The following AHR variants were observed in gnomAD, a reference collection of about 807,000 sequenced individuals.
AHR encodes the protein aryl hydrocarbon receptor.
In AHR, 40 loss-of-function variants were observed where a neutral mutation model predicts 86.8. The observed-to-expected ratio is 0.46, with a 90% CI of 0.36 to 0.60. The LOEUF (loss-of-function observed/expected upper bound fraction) is 0.60. Among genes scored for constraint, AHR ranks in the 20% least tolerant of loss-of-function variants. The pLI is 0.00. For missense variants in AHR, 1,001 were observed against 1,011.6 expected, an observed-to-expected ratio of 0.99 and a Z score of 0.14; for synonymous variants, 398 against 354.9, an observed-to-expected ratio of 1.12 and a Z score of -1.37.
rs140788225 is a variant in AHR at position 17,335,703 on chromosome 7, A to T, written c.1077A>T (p.Arg359=). 45 of 1,609,134 alleles carry T rather than the reference A, an allele frequency of 2.8e-5. No homozygotes were observed. In the African/African-American group the frequency reaches 4.0e-4, roughly 14 times the overall value. The part of the protein sequence containing the change: ...IVFRLLTKNN[R]WTWVQSNARL... ...TCCGGCTTCTTACAAAAAACAACCG[A>T]TGGACTTGGGTCCAGTCTAATGCAC... The change falls in exon 9 of 11, where the codon CGA becomes CGT. Residue 359 remains arginine, a synonymous_variant. Coordinates refer to ENST00000242057, the MANE Select transcript of AHR (RefSeq NM_001621.5).
intron 1 of AHR, among the ~76,000 whole-genome samples, chr7:17,307,258 C>G (rs1249102869): frequency 3.7e-4 from 57 of 152,068 alleles, no homozygotes; most frequent in Admixed American, 3.7e-3. Context: ...GTTTCATAAT[C>G]ATTACTGGAA....
intron 2 of AHR, among the ~76,000 whole-genome samples, chr7:17,314,443 A>G (rs1046921298): frequency 6.6e-6 from 1 of 152,092 alleles, no homozygotes; most frequent in East Asian, 1.9e-4. Context: ...ATTGTTTATC[A>G]TGGATCTTTC....
At chr7:17,332,225 T>A (rs1288658889) in intron 6 of AHR, among the ~76,000 whole-genome samples, 3 of 152,010 alleles carry the variant, frequency 2.0e-5, no homozygotes, top group Non-Finnish European at 4.4e-5. Flanking sequence ...TACATAATAC[T>A]TGAAAATAAA....
chr7:17,315,912 T>G (rs1562476524), intron 2 of AHR, among the ~76,000 whole-genome samples: 1 of 152,116 alleles, frequency 6.6e-6, no homozygotes, highest in Non-Finnish European at 1.5e-5. Flanking sequence ...GATTTAGATT[T>G]TAGAGTCATT....
intron 8 of AHR, among the ~76,000 whole-genome samples, chr7:17,335,257 A>C (rs1782342716): frequency 6.6e-6 from 1 of 152,108 alleles, no homozygotes; most frequent in Admixed American, 6.5e-5. Context: ...TTTTAATTAC[A>C]TCGTTATCAA....
At chr7:17,301,605 T>G (rs1429366465) in intron 1 of AHR, among the ~76,000 whole-genome samples, 1 of 151,750 alleles carries the variant, frequency 6.6e-6, no homozygotes, top group Non-Finnish European at 1.5e-5. Context: ...AATTTTGGAG[T>G]AAAGTAGGTG....
chr7:17,332,352 A>T (rs1469422101), intron 6 of AHR, among the ~76,000 whole-genome samples: 1 of 151,814 alleles, frequency 6.6e-6, no homozygotes, highest in African/African-American at 2.4e-5. Flanking sequence ...TAACTGTAAA[A>T]CAGGCTCAGG....
chr7:17,331,211 G>C (rs987475321), intron 6 of AHR, among the ~76,000 whole-genome samples: 1 of 151,838 alleles, frequency 6.6e-6, no homozygotes, highest in South Asian at 2.1e-4. Flanking sequence ...TAGGCTTTCC[G>C]TTAGCTTATA....
chr7:17,303,108 T>G (rs1278615786), intron 1 of AHR, among the ~76,000 whole-genome samples: 5 of 152,096 alleles, frequency 3.3e-5, no homozygotes, highest in African/African-American at 1.2e-4. Context: ...CTTTTAAAAT[T>G]GATATTTTGC....
At chr7:17,309,031 G>C (rs1356314752) in intron 1 of AHR, among the ~76,000 whole-genome samples, 1 of 152,180 alleles carries the variant, frequency 6.6e-6, no homozygotes, top group African/African-American at 2.4e-5. Context: ...TTCAGCGTGG[G>C]TATCTGATGA....
In AHR at chr7:17,330,665, A is replaced by G. The variant is rs17137583; in HGVS notation, c.575-91A>G. On this transcript the variant is annotated intron_variant, in intron 5 of 10. Coordinates refer to ENST00000242057, the MANE Select transcript of AHR (RefSeq NM_001621.5). ...TTTTTGTATTCAGAACACAGACTCC[A>G]GTTTAGAAACTAATACAAATTTTAC... 4,650 of 1,197,424 alleles carry G rather than the reference A, an allele frequency of 3.9e-3. 148 individuals carry two copies. In the African/African-American group the frequency reaches 0.064, roughly 16 times the overall value. 74.2% of individuals were successfully genotyped at this position (1,197,424 alleles called of 1,614,324 possible).
intron 1 of AHR, among the ~76,000 whole-genome samples, chr7:17,306,319 A>G (rs1264518311): frequency 6.6e-6 from 1 of 152,214 alleles, no homozygotes; most frequent in Non-Finnish European, 1.5e-5. Context: ...TAAATATTTT[A>G]ACAAAATCTG....
chr7:17,307,668 T>A (rs1027420411), intron 1 of AHR, among the ~76,000 whole-genome samples: 5 of 151,892 alleles, frequency 3.3e-5, no homozygotes, highest in African/African-American at 7.3e-5. Context: ...ACTGAAGGAG[T>A]TTAATCAGAG....
In AHR at chr7:17,345,813, T is replaced by G. The variant is rs1162427221; in HGVS notation, c.*2749T>G. On this transcript the variant is annotated 3_prime_UTR_variant, in exon 11 of 11. Coordinates refer to ENST00000242057, the MANE Select transcript of AHR (RefSeq NM_001621.5). ...TTGTTAAGTGCCAAACAAAGGATAC[T>G]TAGTGCACTGCTACATTGTGGGATT... 1 of 152,770 alleles carries G rather than the reference T, an allele frequency of 6.5e-6. No individual in the cohort carries two copies. The highest frequency in any genetic ancestry group is 6.5e-5 in the Admixed American group (1 of 15,284). The allele number at this position is 152,770 out of a possible 1,614,324, so 9.5% of individuals were successfully genotyped here. A position where few individuals can be genotyped will look rare whatever the true frequency, so the allele number is the denominator to read the frequency against.
At chr7:17,329,725 T>G (rs1020680338) in intron 4 of AHR, 1 of 324,142 alleles carries the variant, frequency 3.1e-6, no homozygotes, top group Non-Finnish European at 5.7e-6. Flanking sequence ...AGCATTCATG[T>G]TGGGAACTGA....
At chr7:17,328,595 G>A (rs1253539843) in intron 4 of AHR, among the ~76,000 whole-genome samples, 7 of 151,906 alleles carry the variant, frequency 4.6e-5, no homozygotes, top group African/African-American at 1.7e-4. Flanking sequence ...ATCCCTGTGA[G>A]CCCCATTGTC....
In AHR at chr7:17,310,090, G is replaced by C; in HGVS notation, c.220G>C (p.Val74Leu). 1 of 1,613,808 alleles carries C rather than the reference G, an allele frequency of 6.2e-7. No homozygotes were observed. The highest frequency in any genetic ancestry group is 1.3e-5 in the African/African-American group (1 of 74,994). The change falls in exon 2 of 11, where the codon GTC becomes CTC. Residue 74 changes from valine (V) to leucine (L), a missense_variant. By Grantham distance (32) the Val-to-Leu change is conservative (BLOSUM62 1). Coordinates refer to ENST00000242057, the MANE Select transcript of AHR (RefSeq NM_001621.5). The stretch of plus-strand genomic sequence containing the variant: ...CAAACTTTCAGTTCTTAGGCTCAGC[G>C]TCAGTTACCTGAGAGCCAAGAGCTT... ...LDKLSVLRLS[V>L]SYLRAKSFFD...
At chr7:17,304,842 A>C (rs577568390) in intron 1 of AHR, among the ~76,000 whole-genome samples, 1 of 152,106 alleles carries the variant, frequency 6.6e-6, no homozygotes, top group East Asian at 1.9e-4. Flanking sequence ...ACCACTTAAA[A>C]TTTTTTTGGT....
chr7:17,309,226 G>A (rs1199638112), intron 1 of AHR, among the ~76,000 whole-genome samples: 1 of 152,144 alleles, frequency 6.6e-6, no homozygotes, highest in Admixed American at 6.5e-5. Flanking sequence ...TGAGACACAA[G>A]CTACGAAAGC....
Sources: allele counts gnomAD v4.1 joint callset (sites outside exome capture counted in the v4.1 genomes callset), GRCh38; gene constraint gnomAD v4.1.1; transcripts MANE v1.5; gene names NCBI Gene and HGNC (gene_info 2026-07-23, HGNC 2026-07-21).